The following NCKAP5 variants were observed in gnomAD, a reference collection of about 807,000 sequenced individuals.
The protein encoded by NCKAP5 is NCK associated protein 5, also known as nck-associated protein 5.
A neutral mutation model predicts 167.0 loss-of-function variants in NCKAP5; 92 were observed. The observed-to-expected ratio is 0.55, with a 90% CI of 0.47 to 0.66. NCKAP5 has a LOEUF of 0.66. Among genes scored for constraint, NCKAP5 ranks in the 30% least tolerant of loss-of-function variants. The pLI, the probability that NCKAP5 is intolerant of heterozygous loss-of-function variation, is 0.00. For synonymous variants in NCKAP5, 891 were observed against 877.4 expected, an observed-to-expected ratio of 1.02 and a Z score of -0.27; for missense variants, 2,378 against 2,315.0, an observed-to-expected ratio of 1.03 and a Z score of -0.56.
At chr2:133,193,161 C>A (rs2150087943) in intron 5 of NCKAP5, among the ~76,000 whole-genome samples, 1 of 152,136 alleles carries the variant, frequency 6.6e-6, no homozygotes, top group South Asian at 2.1e-4. Context: ...AGATTATATA[C>A]TACATGATTC....
chr2:133,384,004 G>A (rs1353770500), intron 3 of NCKAP5, among the ~76,000 whole-genome samples: 1 of 152,122 alleles, frequency 6.6e-6, no homozygotes, highest in Non-Finnish European at 1.5e-5. Context: ...CATTCTGTAG[G>A]TTGCCTGTTC....
At chr2:133,312,806 T>A (rs554747515) in intron 3 of NCKAP5, among the ~76,000 whole-genome samples, 2 of 152,350 alleles carry the variant, frequency 1.3e-5, no homozygotes, top group South Asian at 4.1e-4. Context: ...TAAATATTGG[T>A]CAATTCTTTT....
At chr2:132,686,830 A>C (rs905250874) in intron 19 of NCKAP5, among the ~76,000 whole-genome samples, 2 of 152,226 alleles carry the variant, frequency 1.3e-5, no homozygotes, top group Non-Finnish European at 1.5e-5. Flanking sequence ...TAACTCCCCC[A>C]GTAAGTAAAC....
At chr2:132,737,097 G>T (rs1297255838) in intron 16 of NCKAP5, among the ~76,000 whole-genome samples, 1 of 152,150 alleles carries the variant, frequency 6.6e-6, no homozygotes, top group East Asian at 1.9e-4. Flanking sequence ...CTACTTCCCA[G>T]TCCTTTTAAA....
At chr2:133,584,661 G>A in the NCKAP5 span, among the ~76,000 whole-genome samples, 11 of 152,208 alleles carry the variant, frequency 7.2e-5, no homozygotes, top group East Asian at 2.1e-3. Flanking sequence ...CTACTTGGGA[G>A]GCTGAGGCAG....
At chr2:133,029,055 G>A (rs2078791528) in intron 6 of NCKAP5, among the ~76,000 whole-genome samples, 1 of 152,076 alleles carries the variant, frequency 6.6e-6, no homozygotes, top group Admixed American at 6.6e-5. Flanking sequence ...CAGAACTGTG[G>A]GCCAATTAAA....
intron 3 of NCKAP5, among the ~76,000 whole-genome samples, chr2:133,400,654 C>T (rs575126819): frequency 1.3e-5 from 2 of 152,248 alleles, no homozygotes; most frequent in African/African-American, 4.8e-5. Context: ...GGCAGCTGGC[C>T]TCCAGTGCAG....
intron 5 of NCKAP5, among the ~76,000 whole-genome samples, chr2:133,210,997 ACCC>A (rs1443009671): frequency 2.4e-5 from 2 of 82,146 alleles, no homozygotes; most frequent in South Asian, 9.7e-4. Flanking sequence ...AACCCTCCCT[ACCC>A]CCCCAACCCC....
chr2:133,430,496 A>G (rs1166999408), intron 3 of NCKAP5, among the ~76,000 whole-genome samples: 1 of 152,116 alleles, frequency 6.6e-6, no homozygotes, highest in Non-Finnish European at 1.5e-5. Context: ...TGGCATTTTT[A>G]TAATTTGCGG....
intron 19 of NCKAP5, chr2:132,714,943 G>T (rs1255234451): frequency 6.7e-6 from 3 of 447,036 alleles, no homozygotes; most frequent in Non-Finnish European, 1.3e-5. Flanking sequence ...GGTTCTTGGA[G>T]GTTCACAGAG....
At chr2:133,228,577 T>A (rs1478685790) in intron 4 of NCKAP5, among the ~76,000 whole-genome samples, 1 of 152,180 alleles carries the variant, frequency 6.6e-6, no homozygotes, top group Non-Finnish European at 1.5e-5. Context: ...GTCACCACCA[T>A]CAGCACGTTT....
intron 8 of NCKAP5, among the ~76,000 whole-genome samples, chr2:132,937,925 C>T (rs952114626): frequency 3.3e-5 from 5 of 152,206 alleles, no homozygotes; most frequent in Admixed American, 1.3e-4. Flanking sequence ...AATGCTGATG[C>T]ACTGCCATAT....
At chr2:133,210,763 A>G (rs1481467809) in intron 5 of NCKAP5, among the ~76,000 whole-genome samples, 1 of 152,194 alleles carries the variant, frequency 6.6e-6, no homozygotes, top group Non-Finnish European at 1.5e-5. Context: ...AGGAACAGGG[A>G]GAAAAACTAA....
intron 5 of NCKAP5, among the ~76,000 whole-genome samples, chr2:133,131,815 T>A (rs972965727): frequency 9.9e-5 from 15 of 152,196 alleles, no homozygotes; most frequent in African/African-American, 3.6e-4. Flanking sequence ...AATTTCATGT[T>A]ATATACATTT....
At chr2:133,070,744 T>G (rs918871639) in intron 6 of NCKAP5, among the ~76,000 whole-genome samples, 1 of 152,138 alleles carries the variant, frequency 6.6e-6, no homozygotes, top group Admixed American at 6.6e-5. Context: ...TACAGGTGTG[T>G]GAGTGTGTGT....
At chr2:133,148,164 G>A in intron 5 of NCKAP5, among the ~76,000 whole-genome samples, 1 of 152,098 alleles carries the variant, frequency 6.6e-6, no homozygotes, top group Non-Finnish European at 1.5e-5. Context: ...GTGTTCTGGA[G>A]TTTACAGAGA....
At chr2:133,185,687 G>A (rs1039552499) in intron 5 of NCKAP5, among the ~76,000 whole-genome samples, 4 of 151,794 alleles carry the variant, frequency 2.6e-5, no homozygotes, top group Non-Finnish European at 5.9e-5. Context: ...CACCTCCTTA[G>A]CTGTATTCCT....
intron 7 of NCKAP5, among the ~76,000 whole-genome samples, chr2:132,981,625 A>G (rs1307502789): frequency 1.3e-5 from 2 of 152,188 alleles, no homozygotes; most frequent in Non-Finnish European, 2.9e-5. Flanking sequence ...TTTCACCCAG[A>G]CTTATTCAAT....
chr2:132,900,386 C>T (rs1193035148), intron 8 of NCKAP5, among the ~76,000 whole-genome samples: 3 of 152,128 alleles, frequency 2.0e-5, no homozygotes, highest in African/African-American at 7.2e-5. Flanking sequence ...GTAGCATCCC[C>T]TTCACCTAGT....
Sources: allele counts gnomAD v4.1 joint callset (sites outside exome capture counted in the v4.1 genomes callset), GRCh38; gene constraint gnomAD v4.1.1; transcripts MANE v1.5; gene names NCBI Gene and HGNC (gene_info 2026-07-23, HGNC 2026-07-21).